The following SPAG16 variants were observed in gnomAD, a reference collection of about 807,000 sequenced individuals.
SPAG16 encodes sperm associated antigen 16, also known as sperm-associated antigen 16 protein.
Under a neutral mutation model 80.4 loss-of-function variants are expected in SPAG16, and 86 were observed. The observed-to-expected ratio is 1.07, with a 90% CI of 0.90 to 1.28. The LOEUF is 1.28. Ranked by LOEUF, SPAG16 falls within the 50% of genes most tolerant of loss-of-function variation. The probability of loss-of-function intolerance (pLI) is 0.00; values close to 1 mark genes in which losing one functional copy is unlikely to be tolerated. For missense variants in SPAG16, 870 were observed against 765.3 expected (o/e 1.14, Z -1.61); for synonymous variants, 294 against 265.9 (o/e 1.11, Z -1.03).
chr2:213,606,812 C>A (rs6737484), intron 10 of SPAG16, among the ~76,000 whole-genome samples: 3,863 of 152,264 alleles, frequency 0.025, 160 homozygotes, highest in African/African-American at 0.087. Flanking sequence ...TCCATACCTT[C>A]GGCAAAATGC....
intron 9 of SPAG16, among the ~76,000 whole-genome samples, chr2:213,468,421 A>C: frequency 7.0e-6 from 1 of 143,150 alleles, no homozygotes; most frequent in Non-Finnish European, 1.5e-5. Context: ...TTATGTACAG[A>C]TATATATATA....
At chr2:213,771,255 T>C (rs1317072320) in intron 10 of SPAG16, among the ~76,000 whole-genome samples, 1 of 152,208 alleles carries the variant, frequency 6.6e-6, no homozygotes, top group African/African-American at 2.4e-5. Context: ...TGCATGAATG[T>C]CTTCTTTTGA....
At chr2:213,441,493 CAAAAT>C (rs1559136398) in intron 9 of SPAG16, among the ~76,000 whole-genome samples, 1 of 152,126 alleles carries the variant, frequency 6.6e-6, no homozygotes, top group Non-Finnish European at 1.5e-5. Flanking sequence ...GGGGTAGTGA[CAAAAT>C]GGAATCAGGA....
In SPAG16 at chr2:213,728,308, C is replaced by A. The variant is rs1262074715; in HGVS notation, c.1071-134177C>A. Among the ~76,000 whole-genome samples the A allele has an allele frequency of 4.6e-5, 7 of 152,268 alleles. No individual in the cohort carries two copies. The East Asian group carries it at 1.2e-3, about 25-fold the overall frequency. ...GTGGCTTCCTTAGAGTCTCAGCCCC[C>A]AGAGTGTCTACTGCCTCCTTCTACC... On this transcript the variant is annotated intron_variant, in intron 10 of 15. Transcript: ENST00000331683.
intron 9 of SPAG16, among the ~76,000 whole-genome samples, chr2:213,471,282 C>T (rs2073062116): frequency 2.6e-5 from 4 of 152,106 alleles, no homozygotes; most frequent in African/African-American, 9.7e-5. Context: ...GCATTTGAGC[C>T]ACTTCCTCAA....
chr2:213,492,353 A>T (rs1047582533), intron 10 of SPAG16, among the ~76,000 whole-genome samples: 1 of 152,290 alleles, frequency 6.6e-6, no homozygotes, highest in South Asian at 2.1e-4. Context: ...GATTGAGACC[A>T]TCCTGGCTAA....
chr2:214,315,248 A>C (rs1297055900), intron 15 of SPAG16, among the ~76,000 whole-genome samples: 1 of 152,158 alleles, frequency 6.6e-6, no homozygotes, highest in Non-Finnish European at 1.5e-5. Flanking sequence ...CCATCTGTTA[A>C]CAACATTTCT....
At chr2:213,295,456 T>C (rs1385339605) in intron 1 of SPAG16, among the ~76,000 whole-genome samples, 1 of 152,154 alleles carries the variant, frequency 6.6e-6, no homozygotes, top group Non-Finnish European at 1.5e-5. Context: ...ATATACTTTA[T>C]ATTCACTTAA....
rs548020890 is a variant in SPAG16 at position 213,797,369 on chromosome 2, A to G, written c.1071-65116A>G. On this transcript the variant is annotated intron_variant, in intron 10 of 15. Coordinates refer to ENST00000331683, the MANE Select transcript of SPAG16 (RefSeq NM_024532.5). ...ACTGTCTCACCCAGGGCAACTTACA[A>G]TCCTGTAGTTTTCATTCATAGTGCC... 3.3e-5 allele frequency among the ~76,000 whole-genome samples: 5 copies of G among 152,270 alleles called. No individual in the cohort carries two copies. The East Asian group carries it at 5.8e-4, about 18-fold the overall frequency.
chr2:213,939,935 A>G (rs1262597344), intron 12 of SPAG16, among the ~76,000 whole-genome samples: 1 of 152,180 alleles, frequency 6.6e-6, no homozygotes. Flanking sequence ...GGATCCAAAA[A>G]TAGTGTTTTC....
At chr2:213,871,851 C>A (rs2075959079) in intron 11 of SPAG16, among the ~76,000 whole-genome samples, 1 of 39,074 alleles carries the variant, frequency 2.6e-5, no homozygotes, top group East Asian at 1.1e-3. Context: ...CACACACACA[C>A]ACACACACAC....
rs553452192 is a variant in SPAG16 at position 214,253,847 on chromosome 2, A to G, written c.1720+104581A>G. Reference sequence around the variant, plus strand: ...TTTTTCCAGTTCTGTGAGGAAAGTCAATGGAGATTGATGGGGATAGCATTG... The same window carrying G: ...TTTTTCCAGTTCTGTGAGGAAAGTCGATGGAGATTGATGGGGATAGCATTG... On this transcript the variant is annotated intron_variant, in intron 15 of 15. Transcript: ENST00000331683. Among the ~76,000 whole-genome samples the G allele has an allele frequency of 5.3e-5, 8 of 152,230 alleles. No individual in the cohort carries two copies. The South Asian group carries it at 1.4e-3, about 28-fold the overall frequency.
intron 15 of SPAG16, among the ~76,000 whole-genome samples, chr2:214,329,014 G>A (rs1156621658): frequency 6.6e-6 from 1 of 152,112 alleles, no homozygotes; most frequent in African/African-American, 2.4e-5. Flanking sequence ...TACTTGATTA[G>A]CCGAGGATAC....
At chr2:213,908,069 C>A (rs2077503454) in intron 11 of SPAG16, among the ~76,000 whole-genome samples, 1 of 152,130 alleles carries the variant, frequency 6.6e-6, no homozygotes, top group Admixed American at 6.5e-5. Context: ...GCTAATTACC[C>A]TGATTTGCTC....
chr2:214,082,676 C>T (rs146661550), intron 13 of SPAG16, among the ~76,000 whole-genome samples: 123 of 152,278 alleles, frequency 8.1e-4, no homozygotes, highest in African/African-American at 1.3e-3. Context: ...ACTAGTTCTC[C>T]GATGGCTTTA....
At chr2:213,410,401 T>C (rs911183591) in intron 9 of SPAG16, among the ~76,000 whole-genome samples, 1 of 152,166 alleles carries the variant, frequency 6.6e-6, no homozygotes, top group Non-Finnish European at 1.5e-5. Context: ...CTTCTCAGAC[T>C]GGGCATTAGT....
At chr2:214,043,436 A>T (rs35976332) in intron 13 of SPAG16, among the ~76,000 whole-genome samples, 28,863 of 152,068 alleles carry the variant, frequency 0.19, 3,309 homozygotes, top group Middle Eastern at 0.28. Context: ...CCCCAGGAGC[A>T]CTCAACCCCC....
chr2:214,308,380 C>T (rs1404300732), intron 15 of SPAG16, among the ~76,000 whole-genome samples: 1 of 152,080 alleles, frequency 6.6e-6, no homozygotes, highest in Non-Finnish European at 1.5e-5. Flanking sequence ...GCATTTAGTC[C>T]ATTTACATTT....
intron 9 of SPAG16, among the ~76,000 whole-genome samples, chr2:213,416,531 A>G (rs756335450): frequency 7.3e-5 from 11 of 150,930 alleles, no homozygotes; most frequent in Admixed American, 4.0e-4. Flanking sequence ...TGTTTTAGGC[A>G]GCATTACTTG....
Sources: gnomAD v4.1 joint callset for allele counts (sites outside exome capture counted in the v4.1 genomes callset) on GRCh38, gnomAD v4.1.1 for gene constraint, MANE v1.5 for transcripts, NCBI Gene and HGNC (gene_info 2026-07-23, HGNC 2026-07-21) for gene names.